Variants in DLC1 observed in about 807,000 individuals in gnomAD.
DLC1 encodes rho GTPase-activating protein 7.
In DLC1, 54 loss-of-function variants were observed where a neutral mutation model predicts 140.3. That is an observed-to-expected ratio of 0.38 (90% CI 0.31 to 0.48). The LOEUF is 0.48. DLC1 is among the 20% of genes least tolerant of loss of function. The probability of loss-of-function intolerance (pLI) is 0.96; values close to 1 mark genes in which losing one functional copy is unlikely to be tolerated. For synonymous variants in DLC1, 986 were observed against 728.1 expected (o/e 1.35, Z -5.70); for missense variants, 2,536 against 1,907.0 (o/e 1.33, Z -6.14).
At chr8:13,398,088 G>A (rs750597273) in intron 3 of DLC1, among the ~76,000 whole-genome samples, 27 of 151,782 alleles carry the variant, frequency 1.8e-4, no homozygotes, top group Non-Finnish European at 3.7e-4. Flanking sequence ...CCTAGATTGC[G>A]CCACTGCACT....
At chr8:13,391,369 T>C (rs960951893) in intron 4 of DLC1, among the ~76,000 whole-genome samples, 2 of 152,226 alleles carry the variant, frequency 1.3e-5, no homozygotes, top group African/African-American at 4.8e-5. Flanking sequence ...AACAGCTGGA[T>C]ACTACTCGCA....
intron 4 of DLC1, among the ~76,000 whole-genome samples, chr8:13,361,584 A>C (rs1441045247): frequency 6.6e-6 from 1 of 152,094 alleles, no homozygotes; most frequent in African/African-American, 2.4e-5. Flanking sequence ...GGTATTTTCA[A>C]TGTTACTTAA....
chr8:13,177,341 T>G (rs1000873941), intron 5 of DLC1, among the ~76,000 whole-genome samples: 1 of 152,226 alleles, frequency 6.6e-6, no homozygotes, highest in Non-Finnish European at 1.5e-5. Flanking sequence ...GATATGTCAT[T>G]AGTTTTCTAT....
chr8:13,252,186 C>T (rs1203290942), intron 5 of DLC1, among the ~76,000 whole-genome samples: 1 of 152,074 alleles, frequency 6.6e-6, no homozygotes, highest in Admixed American at 6.6e-5. Flanking sequence ...TTAAAAGTCC[C>T]AAGTGACATG....
chr8:13,398,833 A>G (rs984028442), intron 3 of DLC1, among the ~76,000 whole-genome samples: 5 of 152,108 alleles, frequency 3.3e-5, no homozygotes, highest in African/African-American at 1.2e-4. Flanking sequence ...TCTTTGATTG[A>G]TGTTGGAGGA....
intron 2 of DLC1, among the ~76,000 whole-genome samples, chr8:13,428,950 G>A (rs1330465967): frequency 6.6e-6 from 1 of 152,210 alleles, no homozygotes; most frequent in Admixed American, 6.5e-5. Flanking sequence ...CATAATCTCT[G>A]CCTAAATAAG....
At chr8:13,111,982 CA>C in intron 6 of DLC1, among the ~76,000 whole-genome samples, 1 of 151,354 alleles carries the variant, frequency 6.6e-6, no homozygotes, top group Non-Finnish European at 1.5e-5. Context: ...CTTGTCTCTA[CA>C]AAAAAAATCT....
chr8:13,276,402 C>T (rs758188829), intron 5 of DLC1: 28 of 1,479,076 alleles, frequency 1.9e-5, no homozygotes, highest in African/African-American at 2.9e-5. Context: ...GTCCCCCATC[C>T]GCTCGCAGAC....
intron 4 of DLC1, among the ~76,000 whole-genome samples, chr8:13,312,688 A>T (rs1832727340): frequency 6.6e-6 from 1 of 152,148 alleles, no homozygotes; most frequent in African/African-American, 2.4e-5. Context: ...GCATATTAAT[A>T]TATTCATTGT....
intron 2 of DLC1, among the ~76,000 whole-genome samples, chr8:13,470,333 A>G (rs1418700937): frequency 1.3e-5 from 2 of 152,190 alleles, no homozygotes; most frequent in Non-Finnish European, 2.9e-5. Context: ...CCATTAGGAG[A>G]TTCCTATCTA....
At chr8:13,164,399 A>C (rs1824951488) in intron 5 of DLC1, among the ~76,000 whole-genome samples, 1 of 152,116 alleles carries the variant, frequency 6.6e-6, no homozygotes, top group South Asian at 2.1e-4. Flanking sequence ...TGTGTCAAAC[A>C]AAAAAACCCA....
chr8:13,237,146 A>G (rs945294457), intron 5 of DLC1, among the ~76,000 whole-genome samples: 10 of 150,810 alleles, frequency 6.6e-5, no homozygotes, highest in African/African-American at 2.2e-4. Context: ...AATGCAGTGG[A>G]AAAAAAATAT....
At chr8:13,374,843 C>A (rs1563294806) in intron 4 of DLC1, among the ~76,000 whole-genome samples, 1 of 152,140 alleles carries the variant, frequency 6.6e-6, no homozygotes, top group East Asian at 1.9e-4. Flanking sequence ...AATGTTCATT[C>A]ATTTGTTTGT....
At chr8:13,331,685 A>T (rs1411335289) in intron 4 of DLC1, among the ~76,000 whole-genome samples, 13 of 152,178 alleles carry the variant, frequency 8.5e-5, no homozygotes, top group Admixed American at 7.2e-4. Flanking sequence ...AATAAAAAAA[A>T]AAATCCCCAC....
At chr8:13,114,778 G>C (rs1283861798) in intron 6 of DLC1, among the ~76,000 whole-genome samples, 4 of 152,140 alleles carry the variant, frequency 2.6e-5, no homozygotes, top group Admixed American at 2.6e-4. Flanking sequence ...GAAGGATTAG[G>C]GAAATGGCAG....
intron 1 of DLC1, among the ~76,000 whole-genome samples, chr8:13,525,295 C>T (rs563772155): frequency 7.2e-5 from 11 of 152,320 alleles, no homozygotes; most frequent in South Asian, 6.2e-4. Flanking sequence ...AATCAAGCTG[C>T]TATGAATATT....
chr8:13,602,313 T>A (rs910746975), intron 1 of DLC1, among the ~76,000 whole-genome samples: 5 of 151,758 alleles, frequency 3.3e-5, no homozygotes, highest in Admixed American at 2.6e-4. Flanking sequence ...TAGGCCTTAT[T>A]TGGATGCTGA....
At chr8:13,357,227 T>C (rs796360854) in intron 4 of DLC1, among the ~76,000 whole-genome samples, 6 of 152,088 alleles carry the variant, frequency 3.9e-5, no homozygotes, top group African/African-American at 1.4e-4. Context: ...GCCAAGATTG[T>C]ACCACTGCAC....
chr8:13,580,124 T>TTTTTTTTTA lies in DLC1; in HGVS notation c.-126+24412_-126+24413insTAAAAAAAA, dbSNP rs59672498. ...GCTTCTAATTTAAGTTGGTTACATT[T>TTTTTTTTTA]ATTTTTTTATTTTTTTGAGACAGAG... On this transcript the variant is annotated intron_variant, in intron 1 of 1. Transcript: ENST00000631382. 1.9e-3 allele frequency among the ~76,000 whole-genome samples: 280 copies of TTTTTTTTTA among 151,306 alleles called. 1 individual carries two copies. The highest frequency in any genetic ancestry group is 0.01 in the Middle Eastern group (3 of 294).
Sources: gnomAD v4.1 joint callset for allele counts (sites outside exome capture counted in the v4.1 genomes callset) on GRCh38, gnomAD v4.1.1 for gene constraint, MANE v1.5 for transcripts, NCBI Gene and HGNC (gene_info 2026-07-23, HGNC 2026-07-21) for gene names.